The following GDA variants were observed in gnomAD, a reference collection of about 807,000 sequenced individuals.
GDA encodes the protein guanine deaminase, also known as cytoplasmic PSD-95 interactor.
In GDA, 18 loss-of-function variants were observed where a neutral mutation model predicts 59.6. The observed-to-expected ratio is 0.30, with a 90% CI of 0.21 to 0.45. The LOEUF (loss-of-function observed/expected upper bound fraction) is 0.45. Ranked by LOEUF, GDA falls within the 20% of genes least tolerant of loss-of-function variation. The probability of loss-of-function intolerance (pLI) is 1.00; values close to 1 mark genes in which losing one functional copy is unlikely to be tolerated. For missense variants in GDA, 427 were observed against 552.3 expected (o/e 0.77, Z 2.27); for synonymous variants, 201 against 201.1 (o/e 1.00, Z 0.00).
intron 5 of GDA, among the ~76,000 whole-genome samples, chr9:72,218,900 G>C (rs1158586576): frequency 6.6e-6 from 1 of 152,140 alleles, no homozygotes; most frequent in Non-Finnish European, 1.5e-5. Flanking sequence ...AGTGCTGTGG[G>C]AATATTTGAG....
intron 1 of GDA, among the ~76,000 whole-genome samples, chr9:72,120,976 G>T (rs74823744): frequency 0.019 from 2,853 of 152,060 alleles, 63 homozygotes; most frequent in Middle Eastern, 0.048. Context: ...CTGCCTTCTT[G>T]GGGACTTTAC....
upstream of GDA, among the ~76,000 whole-genome samples, chr9:72,147,438 T>A (rs922807260): frequency 1.3e-5 from 2 of 152,154 alleles, no homozygotes; most frequent in African/African-American, 4.8e-5. Flanking sequence ...AATCTCGACC[T>A]CGTGATCCAC....
Position 72,248,341 on chromosome 9 carries a change from A to G in GDA, c.1364A>G (p.Ter455=). 6.2e-7 allele frequency: 1 copy of G among 1,613,362 alleles called. No individual in the cohort carries two copies. The highest frequency in any genetic ancestry group is 8.5e-7 in the Non-Finnish European group (1 of 1,179,350). ...KQVVPFSSSV[*] ...GTGGTTCCGTTTTCCAGCTCAGTGT[A>G]AGACCCTCGGGCGTCTACAAAGTTC... Residue 455 remains the stop codon, a stop_retained_variant, in exon 14 of 14, where the codon TAA becomes TGA. Transcript: ENST00000358399.
Position 72,225,760 on chromosome 9 carries a change from T to C in GDA, c.798T>C (p.Asp266=), listed in dbSNP as rs1272226659. ...ATAAAAACTACACATCTGTGTATGA[T>C]AAAAACAATCTTTTGACAAATAAGG... ...PSYKNYTSVY[D]KNNLLTNKTV... The change falls in exon 8 of 14, where the codon GAT becomes GAC. Residue 266 remains aspartate (D), a synonymous_variant. Transcript: ENST00000358399. The C allele has an allele frequency of 4.2e-6, 6 of 1,436,490 alleles. No homozygotes were observed. In the Admixed American group the frequency reaches 1.1e-4, roughly 26 times the overall value. 89.0% of individuals were successfully genotyped at this position (1,436,490 alleles called of 1,614,324 possible).
intron 1 of GDA, among the ~76,000 whole-genome samples, chr9:72,152,931 G>A (rs1369361557): frequency 7.9e-5 from 12 of 152,094 alleles, no homozygotes; most frequent in East Asian, 7.7e-4. Flanking sequence ...TAGGTCTAAC[G>A]TTTAAGTCTT....
chr9:72,255,099 G>A (rs796183149), downstream of GDA, among the ~76,000 whole-genome samples: 4 of 152,174 alleles, frequency 2.6e-5, no homozygotes, highest in South Asian at 8.3e-4. Flanking sequence ...ATCTTTTGTT[G>A]AATAGTACTG....
chr9:72,116,668 A>C lies in GDA; in HGVS notation c.-100+1835A>C, dbSNP rs1048669198. 7.2e-5 allele frequency among the ~76,000 whole-genome samples: 11 copies of C among 152,202 alleles called. No individual in the cohort carries two copies. In the East Asian group the frequency reaches 2.1e-3, roughly 29 times the overall value. ...CCAAAGTGCTGGGATTACAGGCGTG[A>C]GCCACCGCGCCCGGCCTCCCCAGGT... On this transcript the variant is annotated intron_variant, in intron 1 of 13. Transcript: ENST00000545168.
intron 1 of GDA, among the ~76,000 whole-genome samples, chr9:72,155,969 T>C (rs1827836782): frequency 2.0e-5 from 3 of 152,192 alleles, no homozygotes; most frequent in Admixed American, 6.5e-5. Flanking sequence ...GTAAAATATA[T>C]AGAATAATGC....
chr9:72,125,362 C>T (rs1190106288), intron 1 of GDA, among the ~76,000 whole-genome samples: 1 of 136,144 alleles, frequency 7.3e-6, no homozygotes, highest in Non-Finnish European at 1.6e-5. Flanking sequence ...CTCTCTCTCT[C>T]TTTCTTTTTC....
rs1483425848 is a variant in GDA, at chr9:72,251,759, T to C, written c.*3417T>C. The stretch of plus-strand genomic sequence containing the variant: ...AGGATACTGTTAGAAAATCCTAACA[T>C]TGGTCTCCGTGCATGTGTTCACACC... On this transcript the variant is annotated 3_prime_UTR_variant, in exon 14 of 14. Coordinates refer to ENST00000358399, the MANE Select transcript of GDA (RefSeq NM_004293.5). 6.6e-6 allele frequency: 1 copy of C among 152,100 alleles called. No homozygotes were observed. The highest frequency in any genetic ancestry group is 1.9e-4 in the East Asian group (1 of 5,180). 9.4% of individuals were successfully genotyped at this position (152,100 alleles called of 1,614,324 possible). A position where few individuals can be genotyped will look rare whatever the true frequency, so the allele number is the denominator to read the frequency against.
At chr9:72,128,049 A>G (rs1825904466) in intron 1 of GDA, among the ~76,000 whole-genome samples, 1 of 152,196 alleles carries the variant, frequency 6.6e-6, no homozygotes, top group African/African-American at 2.4e-5. Context: ...CCAGACTTCC[A>G]GGTTTTCCTG....
At chr9:72,218,191 G>T (rs1483619956) in intron 5 of GDA, among the ~76,000 whole-genome samples, 1 of 152,152 alleles carries the variant, frequency 6.6e-6, no homozygotes, top group Non-Finnish European at 1.5e-5. Context: ...TGAGATTACA[G>T]GCGTGAGCCA....
chr9:72,175,122 T>G (rs1830402552), intron 1 of GDA, among the ~76,000 whole-genome samples: 1 of 152,118 alleles, frequency 6.6e-6, no homozygotes, highest in Non-Finnish European at 1.5e-5. Context: ...ATAAACCATT[T>G]TCTTTATCCT....
At chr9:72,213,469 A>G (rs1348672271) in intron 4 of GDA, among the ~76,000 whole-genome samples, 2 of 152,114 alleles carry the variant, frequency 1.3e-5, no homozygotes, top group Non-Finnish European at 1.5e-5. Context: ...TGTTTTCCAT[A>G]TATGATTTTA....
At position 72,251,068 on chromosome 9, in the gene GDA, G is replaced by A. The variant is rs1840630489; in HGVS notation, c.*2726G>A. On this transcript the variant is annotated 3_prime_UTR_variant, in exon 14 of 14. Coordinates refer to ENST00000358399, the MANE Select transcript of GDA (RefSeq NM_004293.5). ...TCATTGAATTATCAGACCCCAAGAGGAGATATTGGAACAGGCTCCCTTCAT... is the reference window on the plus strand; with the variant it reads ...TCATTGAATTATCAGACCCCAAGAGAAGATATTGGAACAGGCTCCCTTCAT... The A allele has an allele frequency of 2.1e-6, 1 of 471,658 alleles. No homozygotes were observed. Among genetic ancestry groups the A allele is most frequent in the African/African-American group, 2.0e-5 (1 of 50,472 alleles). The allele number at this position is 471,658 out of a possible 1,614,324, so 29.2% of individuals were successfully genotyped here.
chr9:72,171,511 C>T (rs914496517), intron 1 of GDA, among the ~76,000 whole-genome samples: 3 of 152,058 alleles, frequency 2.0e-5, no homozygotes, highest in African/African-American at 7.2e-5. Flanking sequence ...TTTGGTTAAT[C>T]TTAACCTGGG....
intron 9 of GDA, chr9:72,229,254 G>A (rs111821864): frequency 0.25 from 38,289 of 154,458 alleles, 5,487 homozygotes; most frequent in East Asian, 0.52. Flanking sequence ...GTGAGGCTGA[G>A]GCAGGAGAAT....
In GDA at chr9:72,213,873, G is replaced by A. The variant is rs760718998; in HGVS notation, c.473-13G>A. On this transcript the variant is annotated splice_polypyrimidine_tract_variant and intron_variant, in intron 4 of 13. Transcript: ENST00000358399. The stretch of plus-strand genomic sequence containing the variant: ...AAACATGCCTTCATATTCTTTTTGT[G>A]TATACTTTACAGATAAATTTGGACA... 1.4e-6 allele frequency: 2 copies of A among 1,405,452 alleles called. No homozygotes were observed. The highest frequency in any genetic ancestry group is 2.8e-5 in the African/African-American group (2 of 70,508). 87.1% of individuals were successfully genotyped at this position (1,405,452 alleles called of 1,614,324 possible).
chr9:72,221,067 A>C (rs1379695806), intron 6 of GDA, among the ~76,000 whole-genome samples: 2 of 152,126 alleles, frequency 1.3e-5, no homozygotes, highest in African/African-American at 2.4e-5. Context: ...ATTTAGATGA[A>C]ACTTTGTAGA....
Sources: gnomAD v4.1 joint callset for allele counts (sites outside exome capture counted in the v4.1 genomes callset) on GRCh38, gnomAD v4.1.1 for gene constraint, MANE v1.5 for transcripts, NCBI Gene and HGNC (gene_info 2026-07-23, HGNC 2026-07-21) for gene names.